Variants in DAB1 observed in about 807,000 individuals in gnomAD.
DAB1 encodes the protein DAB adaptor protein 1, also known as disabled homolog 1.
Under a neutral mutation model 64.6 loss-of-function variants are expected in DAB1, and 15 were observed. The observed-to-expected ratio is 0.23, with a 90% CI of 0.16 to 0.36. The LOEUF (loss-of-function observed/expected upper bound fraction) is 0.36, where lower values mean the gene tolerates loss of function less well. DAB1 is among the 10% of genes least tolerant of loss of function. The pLI, the probability that DAB1 is intolerant of heterozygous loss-of-function variation, is 1.00. For missense variants in DAB1, 596 were observed against 706.7 expected (o/e 0.84, Z 1.78); for synonymous variants, 235 against 251.9 (o/e 0.93, Z 0.64).
intron 4 of DAB1, among the ~76,000 whole-genome samples, chr1:58,224,568 C>G (rs888305234): frequency 6.6e-6 from 1 of 152,114 alleles, no homozygotes; most frequent in Admixed American, 6.6e-5. Context: ...CTAGTGGGGA[C>G]ACCAAGAAAT....
chr1:58,539,307 C>T (rs902925), intron 1 of DAB1: 806,545 of 811,626 alleles, frequency 0.99, 400,898 homozygotes, highest in East Asian at 1. Context: ...TTTCACTTGA[C>T]TACCTGAAAC....
At chr1:58,161,851 G>A (rs943488896) in intron 4 of DAB1, among the ~76,000 whole-genome samples, 6 of 152,092 alleles carry the variant, frequency 3.9e-5, no homozygotes, top group Admixed American at 3.3e-4. Context: ...ATTACTTCTC[G>A]ATGGAGACCC....
chr1:57,362,475 G>T (rs1679633683), intron 1 of DAB1, among the ~76,000 whole-genome samples: 1 of 152,020 alleles, frequency 6.6e-6, no homozygotes, highest in Non-Finnish European at 1.5e-5. Context: ...CCACTGATAT[G>T]GTTGGAATGT....
chr1:57,455,803 G>T (rs1012455852), intron 7 of DAB1, among the ~76,000 whole-genome samples: 3 of 152,082 alleles, frequency 2.0e-5, no homozygotes, highest in African/African-American at 7.2e-5. Context: ...CTAATCTTCA[G>T]CTGGGACCCA....
At chr1:58,427,230 T>C (rs1435830363) in intron 3 of DAB1, among the ~76,000 whole-genome samples, 1 of 148,896 alleles carries the variant, frequency 6.7e-6, no homozygotes, top group Non-Finnish European at 1.5e-5. Flanking sequence ...TGCAGTAGAG[T>C]GAGGAGGGGA....
At chr1:57,807,625 C>T (rs559708497) in intron 6 of DAB1, among the ~76,000 whole-genome samples, 1 of 152,258 alleles carries the variant, frequency 6.6e-6, no homozygotes, top group East Asian at 1.9e-4. Flanking sequence ...CATAATTGAC[C>T]TTTGAACCAC....
intron 7 of DAB1, among the ~76,000 whole-genome samples, chr1:57,646,961 C>A (rs1646199061): frequency 6.6e-6 from 1 of 152,170 alleles, no homozygotes; most frequent in South Asian, 2.1e-4. Flanking sequence ...CACAGCATTG[C>A]TCTTCTGGGC....
chr1:57,172,477 T>A (rs1350465709), intron 2 of DAB1, among the ~76,000 whole-genome samples: 1 of 152,208 alleles, frequency 6.6e-6, no homozygotes, highest in Non-Finnish European at 1.5e-5. Flanking sequence ...TGCATTGCTA[T>A]GAAGAAATGT....
At chr1:57,667,154 T>C (rs1321401510) in intron 6 of DAB1, among the ~76,000 whole-genome samples, 7 of 152,322 alleles carry the variant, frequency 4.6e-5, no homozygotes, top group African/African-American at 1.4e-4. Flanking sequence ...TTCTTCCAGA[T>C]AGTGTGTGGC....
chr1:58,129,091 C>G (rs1303163195), intron 5 of DAB1, among the ~76,000 whole-genome samples: 1 of 147,934 alleles, frequency 6.8e-6, no homozygotes, highest in African/African-American at 2.5e-5. Flanking sequence ...TGGTCCTGGA[C>G]TCTTTTTGGT....
chr1:57,889,341 G>A (rs555859988), intron 5 of DAB1, among the ~76,000 whole-genome samples: 90 of 152,296 alleles, frequency 5.9e-4, no homozygotes, highest in Non-Finnish European at 1.0e-3. Context: ...AATATCCAGC[G>A]TGCCATAGGA....
intron 6 of DAB1, among the ~76,000 whole-genome samples, chr1:57,710,734 C>A (rs1322162958): frequency 6.6e-6 from 1 of 151,918 alleles, no homozygotes; most frequent in African/African-American, 2.4e-5. Flanking sequence ...GCAAGATTTA[C>A]TTTATCTAGG....
chr1:57,774,769 T>C (rs1649715498), intron 6 of DAB1, among the ~76,000 whole-genome samples: 1 of 151,768 alleles, frequency 6.6e-6, no homozygotes, highest in Admixed American at 6.6e-5. Context: ...TTGGCCAGAA[T>C]GTATTGCTCT....
chr1:57,494,509 C>T (rs1644206176), intron 7 of DAB1, among the ~76,000 whole-genome samples: 1 of 152,178 alleles, frequency 6.6e-6, no homozygotes, highest in Non-Finnish European at 1.5e-5. Context: ...GCAAAAATGC[C>T]AGTGGAACTG....
chr1:58,243,921 A>C (rs1238784852), intron 4 of DAB1, among the ~76,000 whole-genome samples: 2 of 152,144 alleles, frequency 1.3e-5, no homozygotes, highest in Non-Finnish European at 2.9e-5. Flanking sequence ...CCTTCTGTGC[A>C]TAGGGTTGAC....
At chr1:58,400,951 G>C (rs1644564028) in intron 3 of DAB1, among the ~76,000 whole-genome samples, 1 of 152,104 alleles carries the variant, frequency 6.6e-6, no homozygotes, top group Non-Finnish European at 1.5e-5. Flanking sequence ...CAAGGACTGG[G>C]GGAGGCAGTG....
At chr1:58,369,496 G>C (rs994167275) in intron 3 of DAB1, among the ~76,000 whole-genome samples, 2 of 152,188 alleles carry the variant, frequency 1.3e-5, no homozygotes, top group African/African-American at 4.8e-5. Flanking sequence ...TATAATCCAT[G>C]ACATCTTAGA....
At chr1:58,395,389 C>T (rs557961446) in intron 3 of DAB1, among the ~76,000 whole-genome samples, 9 of 152,216 alleles carry the variant, frequency 5.9e-5, no homozygotes, top group South Asian at 2.1e-4. Flanking sequence ...TCTCTGGGCA[C>T]GGATTGCCCA....
At chr1:58,160,191 G>T (rs11801370) in intron 4 of DAB1, among the ~76,000 whole-genome samples, 21 of 152,142 alleles carry the variant, frequency 1.4e-4, no homozygotes, top group African/African-American at 5.1e-4. Context: ...GGTAGGCCAG[G>T]GGGTAAGGAG....
Sources: gnomAD v4.1 joint callset for allele counts (sites outside exome capture counted in the v4.1 genomes callset) on GRCh38, gnomAD v4.1.1 for gene constraint, MANE v1.5 for transcripts, NCBI Gene and HGNC (gene_info 2026-07-23, HGNC 2026-07-21) for gene names.